The following PDPK1 variants were observed in gnomAD, a reference collection of about 807,000 sequenced individuals.
PDPK1 encodes 3-phosphoinositide dependent protein kinase 1, also known as 3-phosphoinositide-dependent protein kinase 1.
A neutral mutation model predicts 39.8 loss-of-function variants in PDPK1; 7 were observed. The ratio of observed to expected loss-of-function variants is 0.18; its 90% CI spans 0.10 to 0.33. The LOEUF is 0.33. PDPK1 is among the 10% of genes least tolerant of loss of function. PDPK1 has a pLI of 1.00. For synonymous variants in PDPK1, 118 were observed against 159.1 expected, an observed-to-expected ratio of 0.74 and a Z score of 1.95; for missense variants, 182 against 384.7, an observed-to-expected ratio of 0.47 and a Z score of 4.41.
chr16:2,602,855 T>C lies in PDPK1; in HGVS notation c.*5088T>C, dbSNP rs2067245815. ...TTTGTATTTTTATTCTTATATAAGG[T>C]TATTTGCTGGCTATTGTTGGCCTCT... On this transcript the variant is annotated 3_prime_UTR_variant, in exon 14 of 14. Transcript: ENST00000342085. The C allele has an allele frequency of 4.3e-6, 1 of 233,554 alleles. No homozygotes were observed. Among genetic ancestry groups the C allele is most frequent in the Admixed American group, 5.6e-5 (1 of 17,760 alleles). 14.5% of individuals were successfully genotyped at this position (233,554 alleles called of 1,614,324 possible).
chr16:2,595,694 G>A, intron 11 of PDPK1, 99 bp from the exon 12 acceptor site: 1 of 931,812 alleles, frequency 1.1e-6, no homozygotes, highest in Non-Finnish European at 1.8e-6. Context: ...TCTGTGAGGG[G>A]CAGGCCGAGG....
chr16:2,553,196 A>G (rs2066449701), intron 1 of PDPK1, among the ~76,000 whole-genome samples: 2 of 135,172 alleles, frequency 1.5e-5, no homozygotes, highest in Non-Finnish European at 3.1e-5. Context: ...AAAAAAAGAA[A>G]AGAGAGCCTT....
chr16:2,596,729 A>G (rs1192882028), intron 12 of PDPK1, among the ~76,000 whole-genome samples: 4 of 152,194 alleles, frequency 2.6e-5, no homozygotes, highest in Non-Finnish European at 5.9e-5. Context: ...ATTCAGCTCC[A>G]GGTGCTCACG....
intron 11 of PDPK1, among the ~76,000 whole-genome samples, chr16:2,589,096 C>T: frequency 6.6e-6 from 1 of 152,136 alleles, no homozygotes; most frequent in Non-Finnish European, 1.5e-5. Flanking sequence ...GCTGGGATTA[C>T]AGGCACATGC....
Position 2,600,840 on chromosome 16 carries a change from T to C in PDPK1, c.*3073T>C, listed in dbSNP as rs932239329. 5.0e-6 allele frequency: 1 copy of C among 198,656 alleles called. No homozygotes were observed. The highest frequency in any genetic ancestry group is 3.0e-5 in the African/African-American group (1 of 33,476). The allele number at this position is 198,656 out of a possible 1,614,324, so 12.3% of individuals were successfully genotyped here. A position where few individuals can be genotyped will look rare whatever the true frequency, so the allele number is the denominator to read the frequency against. ...ACCACTGTGAGCATTTTGCCGTATA[T>C]CCTGCCCTGCCATTTGTTCACTTTT... On this transcript the variant is annotated 3_prime_UTR_variant, in exon 14 of 14. Coordinates refer to ENST00000342085, the MANE Select transcript of PDPK1 (RefSeq NM_002613.5).
At chr16:2,585,832 GC>G (rs1469494243) in intron 10 of PDPK1, among the ~76,000 whole-genome samples, 2 of 152,234 alleles carry the variant, frequency 1.3e-5, no homozygotes, top group Non-Finnish European at 2.9e-5. Context: ...GTTGCGTGGG[GC>G]AGCAGCCAGG....
At chr16:2,556,311 T>G (rs2066493500) in intron 1 of PDPK1, among the ~76,000 whole-genome samples, 1 of 149,384 alleles carries the variant, frequency 6.7e-6, no homozygotes, top group Non-Finnish European at 1.5e-5. Context: ...GGTCTTGAAC[T>G]CATGGGCTGA....
At chr16:2,538,772 G>A in intron 1 of PDPK1, 1 of 1,280,936 alleles carries the variant, frequency 7.8e-7, no homozygotes, top group Non-Finnish European at 1.0e-6. Context: ...AGCTTGACAG[G>A]TAGGAGGGAT....
Position 2,586,656 on chromosome 16 carries a change from C to T in PDPK1, c.1126-20C>T. 1 of 1,610,154 alleles carries T rather than the reference C, an allele frequency of 6.2e-7. No individual in the cohort carries two copies. Among genetic ancestry groups the T allele is most frequent in the Non-Finnish European group, 8.5e-7 (1 of 1,176,970 alleles). ...GAGGCAAGTGAAGGTGCGGTTCTCA[C>T]TTTCCCTTCTTCTCTGCAGTATGAC... On this transcript the variant is annotated intron_variant, in intron 10 of 13. Coordinates refer to ENST00000342085, the MANE Select transcript of PDPK1 (RefSeq NM_002613.5).
chr16:2,579,932 CAAAAAAGAAAAAG>C (rs2066790174), intron 7 of PDPK1: 4 of 129,882 alleles, frequency 3.1e-5, no homozygotes, highest in African/African-American at 8.7e-5. Flanking sequence ...GACCCTGTCT[CAAAAAAGAAAAAG>C]AAAAAAGAAA....
chr16:2,598,699 C>T lies in PDPK1; in HGVS notation c.*932C>T, dbSNP rs2067153117. On this transcript the variant is annotated 3_prime_UTR_variant, in exon 14 of 14. Coordinates refer to ENST00000342085, the MANE Select transcript of PDPK1 (RefSeq NM_002613.5). ...TGACTTCCGTGTGGAGCAGAGAGGC[C>T]TGAGGGCCTCCTAAAAGGTTTAAAT... 1 of 233,188 alleles carries T rather than the reference C, an allele frequency of 4.3e-6. No individual in the cohort carries two copies. The highest frequency in any genetic ancestry group is 1.8e-4 in the South Asian group (1 of 5,536). The allele number at this position is 233,188 out of a possible 1,614,324, so 14.4% of individuals were successfully genotyped here.
At chr16:2,557,303 G>A (rs796209683) in intron 1 of PDPK1, 4,783 of 297,530 alleles carry the variant, frequency 0.016, no homozygotes, top group Non-Finnish European at 0.023. Context: ...GTGTGAGTGC[G>A]CTCGCTTTAT....
chr16:2,592,656 C>T, intron 11 of PDPK1: 1 of 396,626 alleles, frequency 2.5e-6, no homozygotes, highest in Non-Finnish European at 5.0e-6. Context: ...GACTGGGCAA[C>T]AGAGCGAGAC....
chr16:2,543,835 C>T lies in PDPK1; in HGVS notation c.24+5699C>T, dbSNP rs2066284473. ...CTTTCAGGTTGAAGCAATTCTCCTA[C>T]TTCAGCCTCCTGAGTAGCTGGGATT... is the stretch of plus-strand genomic sequence containing the variant. On this transcript the variant is annotated intron_variant, in intron 1 of 13. Coordinates refer to ENST00000342085, the MANE Select transcript of PDPK1 (RefSeq NM_002613.5). Among the ~76,000 whole-genome samples, 3 of 152,094 alleles carry T rather than the reference C, an allele frequency of 2.0e-5. 1 individual carries two copies. The South Asian group carries it at 6.2e-4, about 32-fold the overall frequency.
intron 1 of PDPK1, among the ~76,000 whole-genome samples, chr16:2,551,776 C>T (rs958301767): frequency 6.6e-6 from 1 of 150,800 alleles, no homozygotes; most frequent in African/African-American, 2.4e-5. Flanking sequence ...AAGCGATTCT[C>T]CTACCTCAGC....
chr16:2,585,827 G>A (rs890405516), intron 10 of PDPK1, among the ~76,000 whole-genome samples: 2 of 152,230 alleles, frequency 1.3e-5, no homozygotes, highest in African/African-American at 2.4e-5. Flanking sequence ...GGATGGTTGC[G>A]TGGGGCAGCA....
intron 6 of PDPK1, chr16:2,577,219 G>A (rs1237123807): frequency 1.6e-6 from 1 of 630,448 alleles, no homozygotes; most frequent in Non-Finnish European, 2.9e-6. Context: ...CCAGGCGCGT[G>A]TCGGGTGGGA....
intron 3 of PDPK1, 113 bp downstream of exon 3, chr16:2,561,635 CT>C (rs1351934120): frequency 4.2e-6 from 1 of 237,850 alleles, no homozygotes; most frequent in East Asian, 8.9e-5. Context: ...GTACAGGACA[CT>C]GTTGGCTTTA....
rs1409824248 is a variant in PDPK1, at chr16:2,600,991, G to A, written c.*3224G>A. ...TTAACAATTGTACTATTTAGTCATTGTCCATTTACTATAATTTATCTGACC... is the reference window on the plus strand; with the variant it reads ...TTAACAATTGTACTATTTAGTCATTATCCATTTACTATAATTTATCTGACC... On this transcript the variant is annotated 3_prime_UTR_variant, in exon 14 of 14. Transcript: ENST00000342085. 4.3e-6 allele frequency: 1 copy of A among 230,736 alleles called. No homozygotes were observed. The highest frequency in any genetic ancestry group is 1.8e-4 in the South Asian group (1 of 5,498). The allele number at this position is 230,736 out of a possible 1,614,324, so 14.3% of individuals were successfully genotyped here. A position where few individuals can be genotyped will look rare whatever the true frequency, so the allele number is the denominator to read the frequency against.
Sources: gnomAD v4.1 joint callset for allele counts (sites outside exome capture counted in the v4.1 genomes callset) on GRCh38, gnomAD v4.1.1 for gene constraint, MANE v1.5 for transcripts, NCBI Gene and HGNC (gene_info 2026-07-23, HGNC 2026-07-21) for gene names.